Variants in ARHGAP20 observed in about 807,000 individuals in gnomAD.
ARHGAP20 encodes rho GTPase-activating protein 20.
In ARHGAP20, 34 loss-of-function variants were observed where a neutral mutation model predicts 73.7. The observed-to-expected ratio is 0.46, with a 90% CI of 0.35 to 0.61. The LOEUF (loss-of-function observed/expected upper bound fraction) is 0.61. Ranked by LOEUF, ARHGAP20 falls within the 20% of genes least tolerant of loss-of-function variation. The probability of loss-of-function intolerance (pLI) is 0.00; values close to 1 mark genes in which losing one functional copy is unlikely to be tolerated. For synonymous variants in ARHGAP20, 523 were observed against 518.2 expected (o/e 1.01, Z -0.13); for missense variants, 1,314 against 1,420.9 (o/e 0.92, Z 1.21).
At chr11:110,606,300 A>G (rs1225745164) in intron 9 of ARHGAP20, among the ~76,000 whole-genome samples, 4 of 152,136 alleles carry the variant, frequency 2.6e-5, no homozygotes, top group Non-Finnish European at 5.9e-5. Flanking sequence ...AGTGCCTTTG[A>G]CTCTGCAGTA....
chr11:110,660,061 C>CAAAAAAAAAAAAAAAAAA (rs746439426), intron 2 of ARHGAP20, among the ~76,000 whole-genome samples: 1 of 69,246 alleles, frequency 1.4e-5, no homozygotes, highest in Non-Finnish European at 3.3e-5. Flanking sequence ...TAATAAAAAA[C>CAAAAAAAAAAAAAAAAAA]AAAAAAAAAA....
chr11:110,630,996 T>A (rs185690971), intron 2 of ARHGAP20, among the ~76,000 whole-genome samples: 303 of 152,328 alleles, frequency 2.0e-3, no homozygotes, highest in Non-Finnish European at 3.5e-3. Context: ...TAAACACATG[T>A]ATATGTATCT....
intron 2 of ARHGAP20, among the ~76,000 whole-genome samples, chr11:110,689,454 GA>G (rs1402020582): frequency 1.3e-5 from 2 of 151,942 alleles, no homozygotes; most frequent in African/African-American, 4.8e-5. Flanking sequence ...ATGAATTAAT[GA>G]ATATTTGAAT....
At position 110,679,348 on chromosome 11, in the gene ARHGAP20, G is replaced by C. The variant is rs184347500; in HGVS notation, c.188+11199C>G. 1.6e-3 allele frequency among the ~76,000 whole-genome samples: 244 copies of C among 152,230 alleles called. 1 individual carries two copies. The highest frequency in any genetic ancestry group is 5.4e-3 in the African/African-American group (225 of 41,536). ...GAGCAACTCTGATACAGTGTAGCAGGGATTAGACAAGGGTATGAATACTAG... is the reference window on the plus strand; with the variant it reads ...GAGCAACTCTGATACAGTGTAGCAGCGATTAGACAAGGGTATGAATACTAG... On this transcript the variant is annotated intron_variant, in intron 2 of 14. Transcript: ENST00000683387.
rs560576401 is a variant in ARHGAP20, at chr11:110,613,908, A to T, written c.630+653T>A. Among the ~76,000 whole-genome samples the T allele has an allele frequency of 2.0e-5, 3 of 152,290 alleles. No homozygotes were observed. The East Asian group carries it at 5.8e-4, about 29-fold the overall frequency. ...TAGTATAAAATATTCATAAGTTTTCATATTTTTCATAATTGATAACATTTA... is the reference window on the plus strand; with the variant it reads ...TAGTATAAAATATTCATAAGTTTTCTTATTTTTCATAATTGATAACATTTA... On this transcript the variant is annotated intron_variant, in intron 6 of 14. Transcript: ENST00000683387.
intron 2 of ARHGAP20, among the ~76,000 whole-genome samples, chr11:110,645,485 G>A (rs1949171178): frequency 6.6e-6 from 1 of 152,160 alleles, no homozygotes; most frequent in Non-Finnish European, 1.5e-5. Context: ...TACTGGTGAG[G>A]CTACAGAGAA....
At chr11:110,696,486 A>G (rs1215816384) in intron 1 of ARHGAP20, among the ~76,000 whole-genome samples, 2 of 151,640 alleles carry the variant, frequency 1.3e-5, no homozygotes, top group African/African-American at 4.8e-5. Context: ...TTTTGGTACA[A>G]AAAGTTTCAG....
At position 110,658,802 on chromosome 11, in the gene ARHGAP20, G is replaced by A. The variant is rs540541192; in HGVS notation, c.189-28010C>T. ...TTTATTGTTTTGTTTTCATGTCTTC[G>A]GTTACCAGAGCCTGCAGTAGCTCTC... On this transcript the variant is annotated intron_variant, in intron 2 of 14. Transcript: ENST00000683387. Among the ~76,000 whole-genome samples, 5 of 124,464 alleles carry A rather than the reference G, an allele frequency of 4.0e-5. No homozygotes were observed. The East Asian group carries it at 1.2e-3, about 30-fold the overall frequency. The allele number at this position is 124,464 out of a possible 152,430, so 81.7% of individuals were successfully genotyped here.
At chr11:110,654,534 G>A (rs1009165174) in intron 2 of ARHGAP20, among the ~76,000 whole-genome samples, 28 of 152,132 alleles carry the variant, frequency 1.8e-4, no homozygotes, top group African/African-American at 5.8e-4. Flanking sequence ...TGAAAACCAC[G>A]TATTAAAAGC....
intron 1 of ARHGAP20, among the ~76,000 whole-genome samples, chr11:110,699,640 T>A (rs1950405559): frequency 6.6e-6 from 1 of 152,052 alleles, no homozygotes; most frequent in South Asian, 2.1e-4. Flanking sequence ...AACATTTAAT[T>A]ATTATATAAT....
chr11:110,595,508 C>T (rs1261897504), intron 9 of ARHGAP20, among the ~76,000 whole-genome samples: 5 of 152,218 alleles, frequency 3.3e-5, no homozygotes, highest in East Asian at 1.9e-4. Flanking sequence ...AACAGACAAA[C>T]GGAGAGCCAA....
intron 2 of ARHGAP20, among the ~76,000 whole-genome samples, chr11:110,650,570 T>TAAA (rs1949327900): frequency 6.6e-6 from 1 of 152,124 alleles, no homozygotes; most frequent in South Asian, 2.1e-4. Context: ...TCTACCTTTA[T>TAAA]GTCTGTAGTC....
chr11:110,600,673 A>G (rs1260083952), intron 9 of ARHGAP20, among the ~76,000 whole-genome samples: 1 of 152,246 alleles, frequency 6.6e-6, no homozygotes, highest in African/African-American at 2.4e-5. Context: ...GAAAAGTGAC[A>G]ACCCCAAGGT....
At position 110,578,025 on chromosome 11, in the gene ARHGAP20, AGTT is replaced by A; in HGVS notation, c.*1342_*1344del. The A allele has an allele frequency of 1.0e-6, 1 of 985,434 alleles. No individual in the cohort carries two copies. The highest frequency in any genetic ancestry group is 4.7e-5 in the South Asian group (1 of 21,286). 61.0% of individuals were successfully genotyped at this position (985,434 alleles called of 1,614,324 possible). A position where few individuals can be genotyped will look rare whatever the true frequency, so the allele number is the denominator to read the frequency against. ...TCAGAGCAACTTCTTATAGGTTAGT[AGTT>A]AATGTGAAAGAAGATGCACATCCAT... On this transcript the variant is annotated 3_prime_UTR_variant, in exon 15 of 15. Coordinates refer to ENST00000683387, the MANE Select transcript of ARHGAP20 (RefSeq NM_001384657.1).
At chr11:110,627,089 A>AT (rs1225216646) in intron 3 of ARHGAP20, among the ~76,000 whole-genome samples, 5 of 151,456 alleles carry the variant, frequency 3.3e-5, no homozygotes, top group African/African-American at 9.8e-5. Flanking sequence ...ACCCCCTAAA[A>AT]ATATATATAT....
At chr11:110,681,902 T>C (rs2135095501) in intron 2 of ARHGAP20, among the ~76,000 whole-genome samples, 1 of 152,256 alleles carries the variant, frequency 6.6e-6, no homozygotes, top group South Asian at 2.1e-4. Flanking sequence ...CTTTGGCACA[T>C]ATAAAACTCC....
chr11:110,712,058 G>A, intron 1 of ARHGAP20, 69 bp downstream of exon 1: 4 of 1,247,490 alleles, frequency 3.2e-6, no homozygotes, highest in South Asian at 3.7e-5. Context: ...TGTGGCGGGC[G>A]CGGAGGGCGC....
intron 3 of ARHGAP20, among the ~76,000 whole-genome samples, chr11:110,629,532 G>A (rs948019743): frequency 4.1e-5 from 6 of 146,960 alleles, no homozygotes; most frequent in South Asian, 2.2e-4. Context: ...AAACTTATTC[G>A]TTCTCTTTAT....
chr11:110,585,143 GA>G (rs1947627003), intron 12 of ARHGAP20, among the ~76,000 whole-genome samples: 1 of 151,368 alleles, frequency 6.6e-6, no homozygotes, highest in African/African-American at 2.4e-5. Context: ...ATGTATATAT[GA>G]ATATATACAT....
Sources: allele counts gnomAD v4.1 joint callset (sites outside exome capture counted in the v4.1 genomes callset), GRCh38; gene constraint gnomAD v4.1.1; transcripts MANE v1.5; gene names NCBI Gene and HGNC (gene_info 2026-07-23, HGNC 2026-07-21).